Variants in WDR72 observed in about 807,000 individuals in gnomAD.
WDR72 encodes WD repeat-containing protein 72.
In WDR72, 120 loss-of-function variants were observed where a neutral mutation model predicts 124.2. That is an observed-to-expected ratio of 0.97 (90% CI 0.83 to 1.12). WDR72 has a LOEUF of 1.12. Ranked by LOEUF, WDR72 falls within the 50% of genes most tolerant of loss-of-function variation. WDR72 has a pLI of 0.00. For missense variants in WDR72, 1,387 were observed against 1,278.8 expected, an observed-to-expected ratio of 1.08 and a Z score of -1.29; for synonymous variants, 452 against 441.7, an observed-to-expected ratio of 1.02 and a Z score of -0.29.
chr15:53,569,320 G>A (rs1894418770), intron 18 of WDR72, among the ~76,000 whole-genome samples: 1 of 151,992 alleles, frequency 6.6e-6, no homozygotes, highest in Non-Finnish European at 1.5e-5. Flanking sequence ...TAATATTAGA[G>A]ATGACAAGGA....
Position 53,615,503 on chromosome 15 carries a change from T to A in WDR72, c.2703A>T (p.Ile901=). 6.2e-7 allele frequency: 1 copy of A among 1,612,732 alleles called. No individual in the cohort carries two copies. The highest frequency in any genetic ancestry group is 8.5e-7 in the Non-Finnish European group (1 of 1,179,328). Residue 901 remains isoleucine (I), a synonymous_variant, in exon 15 of 20, where the codon ATA becomes ATT. Coordinates refer to ENST00000360509, the MANE Select transcript of WDR72 (RefSeq NM_182758.4). ...AAAATAGTCTGCTCAACAAATAAAC[T>A]ATAGTATCTGACTCTCGCAAAGAAT... ...NCDSLRESDT[I]VYLLSRLFLV...
intron 9 of WDR72, among the ~76,000 whole-genome samples, chr15:53,710,283 T>A (rs7168335): frequency 0.27 from 41,623 of 152,112 alleles, 6,477 homozygotes; most frequent in Admixed American, 0.33. Context: ...ATGTTAACAA[T>A]GTTTTGTCAC....
rs549037572 is a variant in WDR72, at chr15:53,600,571, C to G, written c.2953-3297G>C. On this transcript the variant is annotated intron_variant, in intron 17 of 19. Coordinates refer to ENST00000360509, the MANE Select transcript of WDR72 (RefSeq NM_182758.4). The stretch of plus-strand genomic sequence containing the variant: ...AAGGTATTACTGAGTCTTAGGCAAG[C>G]TAAAAATTTTAGTGGCATTCCATAA... Among the ~76,000 whole-genome samples, 10 of 152,228 alleles carry G rather than the reference C, an allele frequency of 6.6e-5. No individual in the cohort carries two copies. In the South Asian group the frequency reaches 2.1e-3, roughly 32 times the overall value.
chr15:53,686,706 T>C lies in WDR72; in HGVS notation c.1765+13044A>G, dbSNP rs567037072. The stretch of plus-strand genomic sequence containing the variant: ...GAATTGAACTCAGCTCTGCACCAAG[T>C]GGACCTAATAGACATCTACAGAACT... On this transcript the variant is annotated intron_variant, in intron 13 of 19. Coordinates refer to ENST00000360509, the MANE Select transcript of WDR72 (RefSeq NM_182758.4). Among the ~76,000 whole-genome samples, 36 of 149,504 alleles carry C rather than the reference T, an allele frequency of 2.4e-4. No individual in the cohort carries two copies. The East Asian group carries it at 4.6e-3, about 19-fold the overall frequency.
chr15:53,759,520 T>G (rs543502988), intron 1 of WDR72, 113 bp downstream of exon 1: 1 of 152,350 alleles, frequency 6.6e-6, no homozygotes, highest in South Asian at 2.1e-4. Context: ...CGTCCCCTCC[T>G]GCGCCGTGCT....
chr15:53,529,806 A>G (rs577608840), intron 18 of WDR72, among the ~76,000 whole-genome samples: 1 of 152,014 alleles, frequency 6.6e-6, no homozygotes, highest in Non-Finnish European at 1.5e-5. Flanking sequence ...ATGAAAGCCA[A>G]CTCAAATCAA....
At chr15:53,760,403 G>T (rs757783810), upstream of WDR72, among the ~76,000 whole-genome samples, 119 of 141,286 alleles carry the variant, frequency 8.4e-4, no homozygotes, top group Non-Finnish European at 1.7e-3. Flanking sequence ...TTAATTTTTA[G>T]CTCCCACAGA....
rs556464155 is a variant in WDR72, at chr15:53,720,294, G to A, written c.260+2508C>T. Among the ~76,000 whole-genome samples the A allele has an allele frequency of 2.6e-5, 4 of 152,246 alleles. No individual in the cohort carries two copies. The South Asian group carries it at 8.3e-4, about 32-fold the overall frequency. ...TTACCCACCTCTAGAACACCAGAAT[G>A]TGTGGGATCTTATTACTACATTATT... On this transcript the variant is annotated intron_variant, in intron 3 of 19. Transcript: ENST00000360509.
chr15:53,632,701 C>T (rs1299023357), intron 14 of WDR72, among the ~76,000 whole-genome samples: 1 of 152,230 alleles, frequency 6.6e-6, no homozygotes, highest in African/African-American at 2.4e-5. Context: ...GTCTTCAGAG[C>T]CCACCCCTTG....
At chr15:53,615,278 C>A (rs926257881) in intron 15 of WDR72, 148 bp downstream of exon 15, 6 of 609,896 alleles carry the variant, frequency 9.8e-6, no homozygotes, top group Non-Finnish European at 1.6e-5. Flanking sequence ...GGGAGATTTT[C>A]TTAAATGTTT....
At chr15:53,665,820 G>T (rs2015760068) in intron 13 of WDR72, 52 bp from the exon 14 acceptor site, 1 of 1,532,730 alleles carries the variant, frequency 6.5e-7, no homozygotes, top group Non-Finnish European at 9.0e-7. Flanking sequence ...TACCCCAACA[G>T]AATAAGACAG....
At chr15:53,713,899 C>T (rs2017626911) in intron 6 of WDR72, among the ~76,000 whole-genome samples, 1 of 152,170 alleles carries the variant, frequency 6.6e-6, no homozygotes, top group Non-Finnish European at 1.5e-5. Flanking sequence ...TCCTAGGCTT[C>T]CTCAACCAAT....
At chr15:53,665,437 A>G (rs2015744071) in intron 14 of WDR72, 135 bp downstream of exon 14, 1 of 960,566 alleles carries the variant, frequency 1.0e-6, no homozygotes, top group South Asian at 1.5e-5. Context: ...TTCACCCAAG[A>G]TTACTTGGTA....
chr15:53,665,777 C>G lies in WDR72; in HGVS notation c.1766-9G>C. On this transcript the variant is annotated splice_polypyrimidine_tract_variant and intron_variant, in intron 13 of 19. Transcript: ENST00000360509. Reference sequence around the variant, plus strand: ...ATGTCTTTCCAAAGTGCCTGGAAAACAAGATTAGAGGTAAAAATGTCAGGA... The same window carrying G: ...ATGTCTTTCCAAAGTGCCTGGAAAAGAAGATTAGAGGTAAAAATGTCAGGA... 1 of 1,613,076 alleles carries G rather than the reference C, an allele frequency of 6.2e-7. No homozygotes were observed. Among genetic ancestry groups the G allele is most frequent in the African/African-American group, 1.3e-5 (1 of 74,986 alleles).
chr15:53,538,697 T>G (rs899729382), intron 18 of WDR72, among the ~76,000 whole-genome samples: 1 of 152,156 alleles, frequency 6.6e-6, no homozygotes, highest in Non-Finnish European at 1.5e-5. Context: ...TATAAAAAGT[T>G]TTTTGCTGTG....
chr15:53,526,219 T>G (rs1033457591), intron 18 of WDR72, among the ~76,000 whole-genome samples: 2 of 152,018 alleles, frequency 1.3e-5, no homozygotes, highest in African/African-American at 4.8e-5. Flanking sequence ...GAAAAGTAAC[T>G]AGTAGGAACA....
intron 13 of WDR72, among the ~76,000 whole-genome samples, chr15:53,696,930 A>G (rs1056889895): frequency 1.3e-5 from 2 of 152,232 alleles, no homozygotes; most frequent in Non-Finnish European, 2.9e-5. Context: ...GAGGTGGTCA[A>G]TGGGATTGTG....
At chr15:53,684,155 T>C (rs117068106) in intron 13 of WDR72, 1,969 of 152,266 alleles carry the variant, frequency 0.013, 39 homozygotes, top group East Asian at 0.069. Context: ...CCTTTAACAA[T>C]GATTTTCTGC....
chr15:53,609,656 T>G, intron 16 of WDR72, 64 bp from the exon 17 acceptor site: 1 of 1,364,490 alleles, frequency 7.3e-7, no homozygotes, highest in South Asian at 1.2e-5. Context: ...GCTCTTAAGA[T>G]GGGCTGCATA....
Sources: gnomAD v4.1 joint callset for allele counts (sites outside exome capture counted in the v4.1 genomes callset) on GRCh38, gnomAD v4.1.1 for gene constraint, MANE v1.5 for transcripts, NCBI Gene and HGNC (gene_info 2026-07-23, HGNC 2026-07-21) for gene names.